The following HMGN5 variants were observed in gnomAD, a reference collection of about 807,000 sequenced individuals.
HMGN5 encodes the protein high mobility group nucleosome-binding domain-containing protein 5.
Under a neutral mutation model 9.5 loss-of-function variants are expected in HMGN5, and 4 were observed. The ratio of observed to expected loss-of-function variants is 0.42; its 90% CI spans 0.21 to 0.96. HMGN5 has a LOEUF of 0.96. Ranked by LOEUF, HMGN5 falls within the 40% of genes least tolerant of loss-of-function variation. HMGN5 has a pLI of 0.30. For missense variants in HMGN5, 192 were observed against 187.5 expected (o/e 1.02, Z -0.14); for synonymous variants, 55 against 57.1 (o/e 0.96, Z 0.16).
intron 1 of HMGN5, among the ~76,000 whole-genome samples, chrX:81,146,764 GAAGAA>G (rs779296373): frequency 8.1e-5 from 9 of 111,403 alleles, no homozygotes; most frequent in African/African-American, 2.9e-4. Context: ...GACTAATAAA[GAAGAA>G]AAGAGAGAAG....
chrX:81,136,827 C>T, intron 1 of HMGN5, among the ~76,000 whole-genome samples: 1 of 111,123 alleles, frequency 9.0e-6, no homozygotes, highest in Non-Finnish European at 1.9e-5. Context: ...ACTTCAGTAA[C>T]AGGGGTAGGT....
At chrX:81,149,482 G>A (rs769460050) in intron 1 of HMGN5, among the ~76,000 whole-genome samples, 16 of 111,561 alleles carry the variant, frequency 1.4e-4, no homozygotes, top group Admixed American at 8.6e-4. Context: ...GGTGGGGAGC[G>A]CTAGGGAAGG....
Position 81,196,977 on chromosome X carries a change from T to C in HMGN5, c.-124+4760A>G, listed in dbSNP as rs545764924. Among the ~76,000 whole-genome samples the C allele has an allele frequency of 9.8e-5, 11 of 111,954 alleles. No homozygotes were observed. The South Asian group carries it at 4.1e-3, about 42-fold the overall frequency. On this transcript the variant is annotated intron_variant, in intron 1 of 6. Coordinates refer to ENST00000358130, the MANE Select transcript of HMGN5 (RefSeq NM_030763.3). ...AAGTCTCCTGAGGCCTCCCCAGCTA[T>C]GCAGAACTGTGAGTCAATTAAACCT...
intron 1 of HMGN5, among the ~76,000 whole-genome samples, chrX:81,150,387 A>G (rs2075357644): frequency 9.1e-6 from 1 of 110,451 alleles, no homozygotes; most frequent in Non-Finnish European, 1.9e-5. Flanking sequence ...AACATGATGA[A>G]ACCCCGTCTC....
chrX:81,148,911 A>G (rs1251782789), intron 1 of HMGN5, among the ~76,000 whole-genome samples: 2 of 112,353 alleles, frequency 1.8e-5, no homozygotes, highest in Non-Finnish European at 3.8e-5. Flanking sequence ...AGAAATGCAA[A>G]TCAAAACCAC....
intron 1 of HMGN5, among the ~76,000 whole-genome samples, chrX:81,163,212 C>T (rs2075402280): frequency 8.9e-6 from 1 of 112,100 alleles, no homozygotes. Context: ...AACTGCCAGA[C>T]ATGGAAGTGA....
At chrX:81,146,297 C>G (rs987703862) in intron 1 of HMGN5, among the ~76,000 whole-genome samples, 3 of 111,944 alleles carry the variant, frequency 2.7e-5, no homozygotes, top group African/African-American at 9.7e-5. Context: ...TCATAACAGT[C>G]TCTCAGACCA....
chrX:81,143,336 G>A (rs139103469), intron 1 of HMGN5, among the ~76,000 whole-genome samples: 75 of 111,922 alleles, frequency 6.7e-4, no homozygotes, highest in Middle Eastern at 4.6e-3. Flanking sequence ...AAGACATGGA[G>A]TGGCTGAATG....
chrX:81,182,557 C>A (rs1432435468), intron 1 of HMGN5, among the ~76,000 whole-genome samples: 1 of 111,581 alleles, frequency 9.0e-6, no homozygotes, highest in Non-Finnish European at 1.9e-5. Flanking sequence ...TGGCACCCCC[C>A]ACCCCAAGCT....
At chrX:81,137,998 G>A (rs1053078538) in intron 1 of HMGN5, among the ~76,000 whole-genome samples, 11 of 111,450 alleles carry the variant, frequency 9.9e-5, no homozygotes, top group African/African-American at 2.6e-4. Flanking sequence ...TCTCAACCAC[G>A]ATGAATAATC....
At chrX:81,145,150 A>T (rs1338978210) in intron 1 of HMGN5, among the ~76,000 whole-genome samples, 1 of 111,881 alleles carries the variant, frequency 8.9e-6, no homozygotes, top group Non-Finnish European at 1.9e-5. Flanking sequence ...TACAGCGAAC[A>T]ACACAAACAT....
chrX:81,119,746 G>T, intron 3 of HMGN5, 42 bp downstream of exon 3: 1 of 1,133,570 alleles, frequency 8.8e-7, no homozygotes, highest in South Asian at 1.8e-5. Flanking sequence ...TTTATAAAAC[G>T]AGTGGTTTTT....
intron 1 of HMGN5, among the ~76,000 whole-genome samples, chrX:81,193,215 C>T (rs1333804114): frequency 9.0e-6 from 1 of 111,220 alleles, no homozygotes; most frequent in East Asian, 2.8e-4. Context: ...TAGTTTCTGC[C>T]TTGTTCATTG....
intron 1 of HMGN5, among the ~76,000 whole-genome samples, chrX:81,152,915 T>C (rs1216691171): frequency 9.9e-6 from 1 of 101,237 alleles, no homozygotes; most frequent in Non-Finnish European, 2.0e-5. Flanking sequence ...AAACACCACA[T>C]GTTCTCACTC....
At chrX:81,165,920 A>C (rs953831266) in intron 1 of HMGN5, among the ~76,000 whole-genome samples, 2 of 111,689 alleles carry the variant, frequency 1.8e-5, no homozygotes, top group African/African-American at 6.5e-5. Flanking sequence ...TTTGGTTAAA[A>C]GTCCTTAAAA....
intron 1 of HMGN5, among the ~76,000 whole-genome samples, chrX:81,141,462 C>CAGAGAGAGAGAGAGAG: frequency 1.1e-5 from 1 of 94,161 alleles, no homozygotes; most frequent in African/African-American, 3.9e-5. Context: ...TGATGCAAAA[C>CAGAGAGAGAGAGAGAG]AGAGAGAGAG....
chrX:81,188,446 T>G (rs749713015), intron 1 of HMGN5, among the ~76,000 whole-genome samples: 1 of 110,024 alleles, frequency 9.1e-6, no homozygotes, highest in Non-Finnish European at 1.9e-5. Context: ...GTAATTATTG[T>G]TTTTGACTGG....
chrX:81,162,833 A>G (rs2075401275), intron 1 of HMGN5, among the ~76,000 whole-genome samples: 1 of 111,401 alleles, frequency 9.0e-6, no homozygotes, highest in South Asian at 3.8e-4. Flanking sequence ...GAATTAGAAT[A>G]CTTTGAATGT....
At chrX:81,151,400 C>T (rs1384324753) in intron 1 of HMGN5, among the ~76,000 whole-genome samples, 1 of 111,300 alleles carries the variant, frequency 9.0e-6, no homozygotes, top group Non-Finnish European at 1.9e-5. Flanking sequence ...CAGCTTTGTT[C>T]TTTTGGCTTA....
Sources: gnomAD v4.1 joint callset for allele counts (sites outside exome capture counted in the v4.1 genomes callset) on GRCh38, gnomAD v4.1.1 for gene constraint, MANE v1.5 for transcripts, NCBI Gene and HGNC (gene_info 2026-07-23, HGNC 2026-07-21) for gene names.